The following PBX3 variants were observed in gnomAD, a reference collection of about 807,000 sequenced individuals.
The protein encoded by PBX3 is PBX homeobox 3.
A neutral mutation model predicts 48.5 loss-of-function variants in PBX3; 14 were observed. The observed-to-expected ratio is 0.29, with a 90% CI of 0.19 to 0.45. PBX3 has a LOEUF of 0.45. Among genes scored for constraint, PBX3 ranks in the 20% least tolerant of loss-of-function variants. PBX3 has a pLI of 1.00. For synonymous variants in PBX3, 210 were observed against 200.3 expected, an observed-to-expected ratio of 1.05 and a Z score of -0.41; for missense variants, 386 against 546.7, an observed-to-expected ratio of 0.71 and a Z score of 2.93.
chr9:125,957,524 G>A (rs1202672186), intron 5 of PBX3, among the ~76,000 whole-genome samples: 1 of 152,170 alleles, frequency 6.6e-6, no homozygotes, highest in Non-Finnish European at 1.5e-5. Flanking sequence ...TGGTCCAGGG[G>A]TATGCATAAA....
At chr9:125,756,306 A>T (rs1285105217) in intron 2 of PBX3, among the ~76,000 whole-genome samples, 1 of 152,106 alleles carries the variant, frequency 6.6e-6, no homozygotes, top group Non-Finnish European at 1.5e-5. Context: ...AGGCCTCTGA[A>T]TTTTTCTCTA....
At chr9:125,905,028 A>G (rs1429240289) in intron 2 of PBX3, among the ~76,000 whole-genome samples, 1 of 151,968 alleles carries the variant, frequency 6.6e-6, no homozygotes, top group Non-Finnish European at 1.5e-5. Flanking sequence ...TGAAATCTGT[A>G]TATTGTTAAT....
At chr9:125,916,540 T>C (rs536655801) in intron 3 of PBX3, among the ~76,000 whole-genome samples, 11 of 152,320 alleles carry the variant, frequency 7.2e-5, no homozygotes, top group African/African-American at 2.6e-4. Flanking sequence ...AAAATCTGGT[T>C]CTCAGCAATT....
chr9:125,846,041 A>G (rs1839419585), intron 2 of PBX3, among the ~76,000 whole-genome samples: 1 of 152,244 alleles, frequency 6.6e-6, no homozygotes, highest in Non-Finnish European at 1.5e-5. Flanking sequence ...AAATAAAGTG[A>G]ATATTAGTTT....
At chr9:125,756,168 C>T (rs1588118432) in intron 2 of PBX3, among the ~76,000 whole-genome samples, 1 of 152,156 alleles carries the variant, frequency 6.6e-6, no homozygotes, top group Non-Finnish European at 1.5e-5. Context: ...GGTTAAACTG[C>T]CCTTTATACA....
At chr9:125,920,585 A>G (rs1284730990) in intron 3 of PBX3, among the ~76,000 whole-genome samples, 1 of 152,254 alleles carries the variant, frequency 6.6e-6, no homozygotes, top group Non-Finnish European at 1.5e-5. Context: ...GCGTGTACAC[A>G]GGCAATTCAC....
At chr9:125,954,799 A>C (rs1842267782) in intron 5 of PBX3, among the ~76,000 whole-genome samples, 1 of 152,182 alleles carries the variant, frequency 6.6e-6, no homozygotes, top group African/African-American at 2.4e-5. Context: ...GGCCTCCCAA[A>C]GTGCTGGGAT....
intron 3 of PBX3, among the ~76,000 whole-genome samples, chr9:125,917,638 T>G (rs1266811543): frequency 6.6e-6 from 1 of 152,186 alleles, no homozygotes; most frequent in Non-Finnish European, 1.5e-5. Flanking sequence ...CAATTATATA[T>G]ATCGTTGTTT....
At chr9:125,824,388 AG>A (rs1838747065) in intron 2 of PBX3, among the ~76,000 whole-genome samples, 1 of 152,242 alleles carries the variant, frequency 6.6e-6, no homozygotes. Context: ...GCCTGTCCAC[AG>A]TTCCGTTATT....
chr9:125,752,643 C>T (rs1241626484), intron 2 of PBX3, among the ~76,000 whole-genome samples: 1 of 152,064 alleles, frequency 6.6e-6, no homozygotes, highest in African/African-American at 2.4e-5. Flanking sequence ...TGGTGTGCTT[C>T]TCTTTTTAAG....
chr9:125,825,822 T>G (rs1838792750), intron 2 of PBX3, among the ~76,000 whole-genome samples: 1 of 152,196 alleles, frequency 6.6e-6, no homozygotes, highest in Non-Finnish European at 1.5e-5. Flanking sequence ...CCATTTTTCT[T>G]TTTTACTCTC....
chr9:125,881,281 G>C (rs997862029), intron 2 of PBX3, among the ~76,000 whole-genome samples: 2 of 152,176 alleles, frequency 1.3e-5, no homozygotes, highest in African/African-American at 4.8e-5. Flanking sequence ...TTGGCAGCTG[G>C]CATCAAGGCA....
At chr9:125,905,015 T>C (rs1276649884) in intron 2 of PBX3, among the ~76,000 whole-genome samples, 1 of 151,992 alleles carries the variant, frequency 6.6e-6, no homozygotes, top group South Asian at 2.1e-4. Flanking sequence ...CTTTAGGTAA[T>C]TTTGAAATCT....
chr9:125,751,015 C>A (rs1010241094), intron 2 of PBX3, among the ~76,000 whole-genome samples: 1 of 152,096 alleles, frequency 6.6e-6, no homozygotes, highest in Non-Finnish European at 1.5e-5. Context: ...TCCAAGCCCC[C>A]CCACTCCTGC....
At chr9:125,849,145 T>G (rs1175337962) in intron 2 of PBX3, among the ~76,000 whole-genome samples, 1 of 151,970 alleles carries the variant, frequency 6.6e-6, no homozygotes, top group Non-Finnish European at 1.5e-5. Flanking sequence ...AGAACCTTAT[T>G]CAAACACAAG....
chr9:125,963,546 G>A (rs1470180631), intron 8 of PBX3, among the ~76,000 whole-genome samples: 1 of 152,236 alleles, frequency 6.6e-6, no homozygotes, highest in Non-Finnish European at 1.5e-5. Context: ...TATTGTCAAT[G>A]TGGGATGCAC....
intron 2 of PBX3, among the ~76,000 whole-genome samples, chr9:125,866,907 T>G: frequency 6.6e-6 from 1 of 152,204 alleles, no homozygotes; most frequent in African/African-American, 2.4e-5. Context: ...CTAAATTTTT[T>G]GTCTTACTTG....
intron 2 of PBX3, among the ~76,000 whole-genome samples, chr9:125,754,548 G>T (rs1198152439): frequency 1.3e-5 from 2 of 151,794 alleles, no homozygotes; most frequent in African/African-American, 4.8e-5. Flanking sequence ...ATTCTTGAAT[G>T]AGCTACTGAA....
At chr9:125,953,886 C>T (rs867731930) in intron 5 of PBX3, among the ~76,000 whole-genome samples, 19 of 151,952 alleles carry the variant, frequency 1.3e-4, no homozygotes, top group South Asian at 4.2e-4. Flanking sequence ...CTTGGGGGGA[C>T]GCATACTGTA....
Sources: gnomAD v4.1 joint callset for allele counts (sites outside exome capture counted in the v4.1 genomes callset) on GRCh38, gnomAD v4.1.1 for gene constraint, MANE v1.5 for transcripts, NCBI Gene and HGNC (gene_info 2026-07-23, HGNC 2026-07-21) for gene names.